The following PDLIM1 variants were observed in gnomAD, a reference collection of about 807,000 sequenced individuals.
The protein encoded by PDLIM1 is PDZ and LIM domain 1.
A neutral mutation model predicts 35.2 loss-of-function variants in PDLIM1; 25 were observed. That is an observed-to-expected ratio of 0.71 (90% CI 0.52 to 0.99). PDLIM1 has a LOEUF of 0.99. PDLIM1 is among the 50% of genes least tolerant of loss of function. The probability of loss-of-function intolerance (pLI) is 0.00; values close to 1 mark genes in which losing one functional copy is unlikely to be tolerated. For synonymous variants in PDLIM1, 152 were observed against 154.0 expected (o/e 0.99, Z 0.10); for missense variants, 363 against 415.3 (o/e 0.87, Z 1.09).
At chr10:95,288,844 ACT>A (rs1226715906) in intron 1 of PDLIM1, among the ~76,000 whole-genome samples, 2 of 152,236 alleles carry the variant, frequency 1.3e-5, no homozygotes, top group Non-Finnish European at 2.9e-5. Flanking sequence ...AGTTTCCATC[ACT>A]AGACCATGAA....
Position 95,290,819 on chromosome 10 carries a change from C to G in PDLIM1, c.96+1G>C, listed in dbSNP as rs772649330. The G allele has an allele frequency of 1.9e-6, 3 of 1,555,504 alleles. No individual in the cohort carries two copies. In the South Asian group the frequency reaches 3.5e-5, roughly 18 times the overall value. On this transcript the variant is annotated splice_donor_variant, in intron 1 of 6. Coordinates refer to ENST00000329399, the MANE Select transcript of PDLIM1 (RefSeq NM_020992.4). LOFTEE classifies it high-confidence loss of function. The surrounding 1 kb of genome is among the most constrained non-coding windows in gnomAD (Gnocchi z 4.7). ...TCCACGCACGTCCCAGCTGCTCTTA[C>G]CCGGGAAATGGCGAGAGGCTGCTCG...
At chr10:95,287,729 GA>G (rs2035615195) in intron 1 of PDLIM1, among the ~76,000 whole-genome samples, 1 of 152,056 alleles carries the variant, frequency 6.6e-6, no homozygotes, top group South Asian at 2.1e-4. Flanking sequence ...GGAACTGACA[GA>G]AAAAAATATC....
chr10:95,272,230 T>C (rs951120118), intron 1 of PDLIM1, among the ~76,000 whole-genome samples: 9 of 152,102 alleles, frequency 5.9e-5, no homozygotes, highest in Non-Finnish European at 1.3e-4. Context: ...CACACACACA[T>C]TTAGAGAACA....
chr10:95,284,585 C>T (rs1399512707), intron 1 of PDLIM1, among the ~76,000 whole-genome samples: 2 of 152,156 alleles, frequency 1.3e-5, no homozygotes, highest in Non-Finnish European at 2.9e-5. Context: ...AACTCCTGAC[C>T]TCAGGTGATT....
chr10:95,280,871 T>C (rs1162973768), intron 1 of PDLIM1, among the ~76,000 whole-genome samples: 2 of 152,172 alleles, frequency 1.3e-5, no homozygotes, highest in East Asian at 1.9e-4. Flanking sequence ...ACTGTGATAT[T>C]TGCAAGGATG....
chr10:95,256,026 C>A (rs1225096042), intron 4 of PDLIM1, among the ~76,000 whole-genome samples: 1 of 151,060 alleles, frequency 6.6e-6, no homozygotes, highest in East Asian at 1.9e-4. Flanking sequence ...AATGAATAAT[C>A]CAAAAAGAAA....
intron 2 of PDLIM1, among the ~76,000 whole-genome samples, chr10:95,269,516 G>C (rs2035444110): frequency 6.7e-6 from 1 of 148,604 alleles, no homozygotes; most frequent in South Asian, 2.1e-4. Flanking sequence ...AGGTTGCAGT[G>C]AGCTGAGATA....
At chr10:95,242,709 C>T (rs2035189043) in intron 5 of PDLIM1, among the ~76,000 whole-genome samples, 1 of 152,010 alleles carries the variant, frequency 6.6e-6, no homozygotes, top group Non-Finnish European at 1.5e-5. Context: ...GCCCTCAAAG[C>T]AGTGCCTCCC....
At chr10:95,248,704 C>T (rs987067156) in intron 4 of PDLIM1, among the ~76,000 whole-genome samples, 1 of 152,204 alleles carries the variant, frequency 6.6e-6, no homozygotes, top group Non-Finnish European at 1.5e-5. Context: ...GAGAAAGTCC[C>T]TCACATATGT....
chr10:95,267,795 C>T (rs2035428899), intron 3 of PDLIM1, among the ~76,000 whole-genome samples: 1 of 152,120 alleles, frequency 6.6e-6, no homozygotes, highest in Admixed American at 6.5e-5. Context: ...CATCTTAATT[C>T]ACCATAAAAA....
Position 95,277,258 on chromosome 10 carries a change from A to G in PDLIM1, c.97-5474T>C, listed in dbSNP as rs559556066. ...TTATATACTCACTCCCATTAGTTCA[A>G]TGAACGTGCCATTGCCAGCCTTTTT... On this transcript the variant is annotated intron_variant, in intron 1 of 6. Coordinates refer to ENST00000329399, the MANE Select transcript of PDLIM1 (RefSeq NM_020992.4). Among the ~76,000 whole-genome samples, 11 of 152,034 alleles carry G rather than the reference A, an allele frequency of 7.2e-5. No individual in the cohort carries two copies. The South Asian group carries it at 2.1e-3, about 29-fold the overall frequency.
At chr10:95,250,577 G>A (rs2035258941) in intron 4 of PDLIM1, among the ~76,000 whole-genome samples, 1 of 151,938 alleles carries the variant, frequency 6.6e-6, no homozygotes, top group African/African-American at 2.4e-5. Context: ...AAATATGAAG[G>A]AGAAATGGAG....
chr10:95,268,964 G>A (rs1487605394), intron 2 of PDLIM1, 102 bp from the exon 3 acceptor site: 12 of 769,564 alleles, frequency 1.6e-5, no homozygotes, highest in Admixed American at 2.0e-5. Flanking sequence ...ACTAGGCACT[G>A]AACTAGCACC....
rs1296799412 is a variant in PDLIM1 at position 95,271,747 on chromosome 10, C to G, written c.134G>C (p.Cys45Ser). ...PGSKAALANL[C>S]IGDVITAIDG... ...AATGGCTGTGATTACATCTCCAATA[C>G]ATAAATTAGCTAGAGCCGCCTTGCT... Residue 45 changes from cysteine to serine, a missense_variant, in exon 2 of 7, where the codon TGT becomes TCT. Physicochemically the swap from Cys to Ser is moderately radical, Grantham distance 112. Coordinates refer to ENST00000329399, the MANE Select transcript of PDLIM1 (RefSeq NM_020992.4). 30 of 1,612,266 alleles carry G rather than the reference C, an allele frequency of 1.9e-5. No individual in the cohort carries two copies. Among genetic ancestry groups the G allele is most frequent in the Non-Finnish European group, 2.5e-5 (30 of 1,179,482 alleles).
At chr10:95,271,508 G>T in intron 2 of PDLIM1, 125 bp downstream of exon 2, 1 of 648,870 alleles carries the variant, frequency 1.5e-6, no homozygotes, top group Non-Finnish European at 2.5e-6. Context: ...CTTTTGGCAT[G>T]CCTATAGTAT....
chr10:95,238,329 C>G (rs558211723), intron 6 of PDLIM1, among the ~76,000 whole-genome samples: 2 of 148,608 alleles, frequency 1.3e-5, no homozygotes, highest in Non-Finnish European at 3.0e-5. Context: ...CCTCCTACTT[C>G]AACAGGGCAG....
At position 95,290,673 on chromosome 10, in the gene PDLIM1, G is replaced by C. The variant is rs915978576; in HGVS notation, c.96+147C>G. ...GGCGGCGGGGAGCGGCGGGGCCCGG[G>C]CGCGCGGAGAGCGCTCAACTAACAG... On this transcript the variant is annotated intron_variant, in intron 1 of 6. Transcript: ENST00000329399. The surrounding 1 kb of genome is among the most constrained non-coding windows in gnomAD (Gnocchi z 4.7). The C allele has an allele frequency of 2.5e-6, 1 of 408,078 alleles. No homozygotes were observed. Among genetic ancestry groups the C allele is most frequent in the Admixed American group, 4.6e-5 (1 of 21,884 alleles). The allele number at this position is 408,078 out of a possible 1,614,324, so 25.3% of individuals were successfully genotyped here.
At chr10:95,260,138 T>C (rs959262326) in intron 4 of PDLIM1, among the ~76,000 whole-genome samples, 5 of 152,222 alleles carry the variant, frequency 3.3e-5, no homozygotes, top group Non-Finnish European at 7.3e-5. Context: ...CTGTGCTGAG[T>C]GCTCTGTGCA....
chr10:95,277,640 A>AAAAATAAAAT (rs45565541), intron 1 of PDLIM1, among the ~76,000 whole-genome samples: 1,565 of 150,364 alleles, frequency 0.01, 17 homozygotes, highest in African/African-American at 0.034. Context: ...AAGAATGTCT[A>AAAAATAAAAT]AAAATAAAAT....
Sources: allele counts gnomAD v4.1 joint callset (sites outside exome capture counted in the v4.1 genomes callset), GRCh38; gene constraint gnomAD v4.1.1; non-coding constraint Gnocchi (gnomAD v3.1); transcripts MANE v1.5; gene names NCBI Gene and HGNC (gene_info 2026-07-23, HGNC 2026-07-21).